The following PPFIA2 variants were observed in gnomAD, a reference collection of about 807,000 sequenced individuals.
The protein encoded by PPFIA2 is liprin-alpha-2.
PPFIA2 carries 46 observed loss-of-function variants against 175.5 expected under a neutral mutation model. The ratio of observed to expected loss-of-function variants is 0.26; its 90% CI spans 0.21 to 0.34. The LOEUF is 0.34. Among genes scored for constraint, PPFIA2 ranks in the 10% least tolerant of loss-of-function variants. The pLI is 1.00. For synonymous variants in PPFIA2, 568 were observed against 511.4 expected (o/e 1.11, Z -1.49); for missense variants, 1,179 against 1,506.1 (o/e 0.78, Z 3.60).
chr12:81,346,384 A>C (rs2059074501), intron 18 of PPFIA2, among the ~76,000 whole-genome samples: 1 of 151,812 alleles, frequency 6.6e-6, no homozygotes, highest in Admixed American at 6.6e-5. Context: ...TACTACCTCC[A>C]GTTTTGCCAC....
At chr12:81,737,099 T>C (rs1015307610) in intron 3 of PPFIA2, among the ~76,000 whole-genome samples, 4 of 151,814 alleles carry the variant, frequency 2.6e-5, no homozygotes, top group Non-Finnish European at 5.9e-5. Flanking sequence ...TTTAATTCAC[T>C]TTTGAAGTGA....
At chr12:81,406,367 AT>A (rs1462531498) in intron 7 of PPFIA2, among the ~76,000 whole-genome samples, 1 of 152,154 alleles carries the variant, frequency 6.6e-6, no homozygotes, top group Non-Finnish European at 1.5e-5. Flanking sequence ...CCCATCTGCA[AT>A]TTAATATAAG....
intron 8 of PPFIA2, among the ~76,000 whole-genome samples, chr12:81,387,565 AAGAT>A (rs1466917982): frequency 2.0e-5 from 3 of 152,160 alleles, no homozygotes; most frequent in African/African-American, 4.8e-5. Flanking sequence ...AGAGCAGAGA[AAGAT>A]AGAGACAATT....
chr12:81,600,486 T>C (rs1595476151), intron 4 of PPFIA2, among the ~76,000 whole-genome samples: 2 of 151,926 alleles, frequency 1.3e-5, no homozygotes, highest in African/African-American at 4.8e-5. Flanking sequence ...TCCTTAACTA[T>C]AACTCTAATT....
Position 81,302,269 on chromosome 12 carries a change from T to G in PPFIA2, c.2643-2887A>C, listed in dbSNP as rs1253494019. 1.1e-5 allele frequency: 4 copies of G among 372,782 alleles called. No homozygotes were observed. The East Asian group carries it at 2.3e-4, about 22-fold the overall frequency. 23.1% of individuals were successfully genotyped at this position (372,782 alleles called of 1,614,324 possible). A position where few individuals can be genotyped will look rare whatever the true frequency, so the allele number is the denominator to read the frequency against. ...CTCCTCTTGAGCTTTTATTTCCCAC[T>G]TTCTCACAATAGTACTGATTCTAGC... On this transcript the variant is annotated intron_variant, in intron 22 of 32. Transcript: ENST00000549396.
intron 4 of PPFIA2, among the ~76,000 whole-genome samples, chr12:81,522,964 T>C (rs893597582): frequency 6.6e-6 from 1 of 152,214 alleles, no homozygotes; most frequent in Non-Finnish European, 1.5e-5. Flanking sequence ...GGACCCAGGC[T>C]GATGGAGGTT....
chr12:81,701,849 C>T (rs1013845759), intron 3 of PPFIA2, among the ~76,000 whole-genome samples: 4 of 146,980 alleles, frequency 2.7e-5, no homozygotes, highest in South Asian at 2.2e-4. Flanking sequence ...TGATGAACCC[C>T]GAACTGAACT....
chr12:81,395,486 A>C (rs2040954257), intron 8 of PPFIA2, among the ~76,000 whole-genome samples: 2 of 152,018 alleles, frequency 1.3e-5, no homozygotes, highest in Admixed American at 1.3e-4. Flanking sequence ...GCGCTTTGAA[A>C]ATTGAAAGGC....
Position 81,358,084 on chromosome 12 carries a change from T to C in PPFIA2, c.1771A>G (p.Lys591Glu), listed in dbSNP as rs1309078187. ...AGAGTTGAAGTTAAAAGATTAACCT[T>C]TGGCTCATCTCTTCGCACACCCATG... ...GRMGVRRDEP[K>E]VKSLGDHEWN... Residue 591 changes from lysine to glutamate, a missense_variant and splice_region_variant, in exon 16 of 33, where the codon AAG becomes GAG. Transcript: ENST00000549396. The C allele has an allele frequency of 6.3e-7, 1 of 1,594,416 alleles. No individual in the cohort carries two copies. The highest frequency in any genetic ancestry group is 8.5e-7 in the Non-Finnish European group (1 of 1,172,076).
At chr12:81,666,738 G>A (rs752631646) in intron 4 of PPFIA2, among the ~76,000 whole-genome samples, 1 of 151,910 alleles carries the variant, frequency 6.6e-6, no homozygotes. Flanking sequence ...TTGTGCACAC[G>A]TACCCTAAAA....
At chr12:81,437,888 G>T (rs576223493) in intron 7 of PPFIA2, among the ~76,000 whole-genome samples, 24 of 150,300 alleles carry the variant, frequency 1.6e-4, no homozygotes, top group African/African-American at 5.4e-4. Context: ...TATTCCAGAG[G>T]TTCTTTTCTT....
chr12:81,471,061 T>A (rs1051318836), intron 4 of PPFIA2: 1 of 152,182 alleles, frequency 6.6e-6, no homozygotes, highest in Non-Finnish European at 1.5e-5. Flanking sequence ...GGTCCTTTCA[T>A]GTTGTCACAA....
intron 4 of PPFIA2, among the ~76,000 whole-genome samples, chr12:81,578,905 A>G (rs1241242273): frequency 6.6e-6 from 1 of 151,836 alleles, no homozygotes; most frequent in African/African-American, 2.4e-5. Context: ...CACAAAGTAC[A>G]GGAGAAGGAG....
chr12:81,535,520 A>T (rs1253129654), intron 4 of PPFIA2: 1 of 453,154 alleles, frequency 2.2e-6, no homozygotes, highest in East Asian at 7.0e-5. Flanking sequence ...ACCTAAAATG[A>T]AGAACATCTA....
intron 13 of PPFIA2, chr12:81,368,017 C>G: frequency 2.1e-6 from 2 of 963,088 alleles, no homozygotes; most frequent in Non-Finnish European, 2.9e-6. Context: ...ATTTTATGTA[C>G]TAATGGAAAA....
chr12:81,408,679 T>A (rs942837980), intron 7 of PPFIA2, among the ~76,000 whole-genome samples: 1 of 152,214 alleles, frequency 6.6e-6, no homozygotes, highest in African/African-American at 2.4e-5. Flanking sequence ...ATTTTTAAAA[T>A]TCTAAACTTC....
intron 7 of PPFIA2, among the ~76,000 whole-genome samples, chr12:81,408,489 C>T (rs978043646): frequency 2.0e-5 from 3 of 152,106 alleles, no homozygotes; most frequent in Non-Finnish European, 4.4e-5. Flanking sequence ...TACAGATTAG[C>T]TTACATTTGT....
chr12:81,528,202 G>A (rs2063976570), intron 4 of PPFIA2, among the ~76,000 whole-genome samples: 1 of 151,992 alleles, frequency 6.6e-6, no homozygotes, highest in South Asian at 2.1e-4. Context: ...AATTAGGGCA[G>A]TCACCAACAA....
intron 4 of PPFIA2, among the ~76,000 whole-genome samples, chr12:81,496,499 T>G (rs2060040230): frequency 6.6e-6 from 1 of 152,246 alleles, no homozygotes. Context: ...CACTGAAGAC[T>G]TTAGGAGTGA....
Sources: gnomAD v4.1 joint callset for allele counts (sites outside exome capture counted in the v4.1 genomes callset) on GRCh38, gnomAD v4.1.1 for gene constraint, MANE v1.5 for transcripts, NCBI Gene and HGNC (gene_info 2026-07-23, HGNC 2026-07-21) for gene names.